TTC27: variants seen among roughly 807,000 people sequenced by gnomAD.
TTC27 encodes tetratricopeptide repeat domain 27, also known as tetratricopeptide repeat protein 27.
A neutral mutation model predicts 115.9 loss-of-function variants in TTC27; 79 were observed. The observed-to-expected ratio is 0.68, with a 90% confidence interval of 0.57 to 0.82. The LOEUF is 0.82. Among genes scored for constraint, TTC27 ranks in the 40% least tolerant of loss-of-function variants. TTC27 has a pLI of 0.00. For missense variants in TTC27, 1,054 were observed against 993.1 expected, an observed-to-expected ratio of 1.06 and a Z score of -0.82; for synonymous variants, 401 against 356.0, an observed-to-expected ratio of 1.13 and a Z score of -1.42.
chr2:32,713,095 C>T (rs1056710891), intron 10 of TTC27, among the ~76,000 whole-genome samples: 1 of 152,272 alleles, frequency 6.6e-6, no homozygotes, highest in East Asian at 1.9e-4. Flanking sequence ...CACTCTCCCT[C>T]TTGTGCCTCT....
chr2:32,761,877 A>G (rs1669448808), intron 13 of TTC27, among the ~76,000 whole-genome samples: 1 of 151,300 alleles, frequency 6.6e-6, no homozygotes, highest in African/African-American at 2.4e-5. Flanking sequence ...TATTCAATAA[A>G]TATTTGTCAA....
At chr2:32,708,079 A>G (rs978579626) in intron 10 of TTC27, among the ~76,000 whole-genome samples, 1 of 152,098 alleles carries the variant, frequency 6.6e-6, no homozygotes, top group African/African-American at 2.4e-5. Context: ...TTGACCCTTG[A>G]ACAACACTGC....
At chr2:32,679,555 T>C (rs751027040) in intron 9 of TTC27, among the ~76,000 whole-genome samples, 4 of 152,250 alleles carry the variant, frequency 2.6e-5, no homozygotes, top group Non-Finnish European at 5.9e-5. Flanking sequence ...TGTTCTTTAA[T>C]GAATACAAGT....
At chr2:32,816,990 C>G (rs943166508) in intron 18 of TTC27, among the ~76,000 whole-genome samples, 1 of 152,034 alleles carries the variant, frequency 6.6e-6, no homozygotes, top group South Asian at 2.1e-4. Flanking sequence ...TGTGTGTGCT[C>G]GAATGCATGC....
chr2:32,672,413 G>T, intron 8 of TTC27, 29 bp downstream of exon 8: 1 of 1,512,466 alleles, frequency 6.6e-7, no homozygotes, highest in Non-Finnish European at 9.2e-7. Context: ...TGGCTGCTTT[G>T]AACACTTTGC....
intron 13 of TTC27, among the ~76,000 whole-genome samples, chr2:32,775,354 C>T (rs930036358): frequency 5.3e-5 from 8 of 152,102 alleles, no homozygotes; most frequent in Non-Finnish European, 7.4e-5. Flanking sequence ...CCCACCACCA[C>T]GCCCGGCTAA....
intron 7 of TTC27, among the ~76,000 whole-genome samples, chr2:32,670,340 C>T (rs1246928777): frequency 6.6e-6 from 1 of 152,094 alleles, no homozygotes; most frequent in Non-Finnish European, 1.5e-5. Context: ...ACCACCACCA[C>T]AATGAAAAAA....
chr2:32,758,942 T>C (rs1669340124), intron 13 of TTC27, among the ~76,000 whole-genome samples: 1 of 152,198 alleles, frequency 6.6e-6, no homozygotes, highest in Non-Finnish European at 1.5e-5. Context: ...GAATGGATTC[T>C]TGATCATTTT....
At chr2:32,734,272 T>G (rs935311567) in intron 11 of TTC27, among the ~76,000 whole-genome samples, 1 of 152,114 alleles carries the variant, frequency 6.6e-6, no homozygotes, top group Non-Finnish European at 1.5e-5. Context: ...ACGGGTGTGA[T>G]CATTGTGCAT....
At chr2:32,666,937 T>G (rs1665800413) in intron 7 of TTC27, among the ~76,000 whole-genome samples, 169 bp downstream of exon 7, 1 of 148,366 alleles carries the variant, frequency 6.7e-6, no homozygotes, top group Non-Finnish European at 1.5e-5. Context: ...ACTGGTGTTT[T>G]TTTTTCCTAA....
At position 32,633,889 on chromosome 2, in the gene TTC27, T is replaced by C. The variant is rs771669451; in HGVS notation, c.280T>C (p.Phe94Leu). ...TCTTATATGCAGACAACAGTTGATATTTCTACTTGGTGTGAGCAGTTTGCA... is the reference window on the plus strand; with the variant it reads ...TCTTATATGCAGACAACAGTTGATACTTCTACTTGGTGTGAGCAGTTTGCA... Reference protein sequence around the residue: ...LDTTERQQLIFLLGVSSLQLF... With the variant: ...LDTTERQQLILLLGVSSLQLF... Residue 94 changes from phenylalanine to leucine, a missense_variant, in exon 3 of 20, where the codon TTT becomes CTT. Physicochemically the swap from Phe to Leu is conservative, Grantham distance 22. Transcript: ENST00000317907. 2.5e-6 allele frequency: 4 copies of C among 1,613,646 alleles called. No homozygotes were observed. Among genetic ancestry groups the C allele is most frequent in the Admixed American group, 1.7e-5 (1 of 59,952 alleles).
chr2:32,737,058 C>T (rs772737185), intron 12 of TTC27, among the ~76,000 whole-genome samples: 5 of 152,168 alleles, frequency 3.3e-5, no homozygotes, highest in Admixed American at 6.5e-5. Flanking sequence ...CCTTTACTCA[C>T]CTTCTCCCTT....
At chr2:32,637,319 A>ATTCTTT (rs893890922) in intron 3 of TTC27, among the ~76,000 whole-genome samples, 2 of 151,710 alleles carry the variant, frequency 1.3e-5, no homozygotes, top group Non-Finnish European at 2.9e-5. Context: ...TAGGAGAAGG[A>ATTCTTT]TTCTTTTTCT....
chr2:32,705,073 G>A (rs76130635), intron 10 of TTC27: 2 of 381,230 alleles, frequency 5.2e-6, no homozygotes, highest in African/African-American at 2.1e-5. Context: ...GGGGCCTGGT[G>A]GGGGGTGTTG....
chr2:32,629,883 C>G (rs942892307), intron 1 of TTC27, among the ~76,000 whole-genome samples: 26 of 152,106 alleles, frequency 1.7e-4, no homozygotes, highest in African/African-American at 5.6e-4. Context: ...TGTAAGTACT[C>G]TGTGTGTATG....
intron 8 of TTC27, among the ~76,000 whole-genome samples, chr2:32,673,868 G>T (rs190746166): frequency 6.6e-6 from 1 of 151,918 alleles, no homozygotes; most frequent in Non-Finnish European, 1.5e-5. Context: ...GGTGGCAGGC[G>T]CCTGTAATCC....
At chr2:32,635,413 A>C (rs765478899) in intron 3 of TTC27, 3 of 153,216 alleles carry the variant, frequency 2.0e-5, no homozygotes, top group Non-Finnish European at 2.9e-5. Context: ...TAGGCCGGGC[A>C]CAGTGGCTCA....
chr2:32,731,280 G>A (rs1668283594), intron 10 of TTC27, among the ~76,000 whole-genome samples: 1 of 151,900 alleles, frequency 6.6e-6, no homozygotes. Flanking sequence ...GTAGACACGG[G>A]GTTTCACCAT....
At chr2:32,773,821 G>T (rs1200149389) in intron 13 of TTC27, among the ~76,000 whole-genome samples, 1 of 152,228 alleles carries the variant, frequency 6.6e-6, no homozygotes, top group Non-Finnish European at 1.5e-5. Flanking sequence ...GAGGATCTCA[G>T]CCAAAGGAGC....
Sources: gnomAD v4.1 joint callset for allele counts (sites outside exome capture counted in the v4.1 genomes callset) on GRCh38, gnomAD v4.1.1 for gene constraint, MANE v1.5 for transcripts, NCBI Gene and HGNC (gene_info 2026-07-23, HGNC 2026-07-21) for gene names.